The following MEIS1 variants were observed in gnomAD, a reference collection of about 807,000 sequenced individuals.
MEIS1 encodes Meis homeobox 1.
In MEIS1, 5 loss-of-function variants were observed where a neutral mutation model predicts 50.8. The ratio of observed to expected loss-of-function variants is 0.10; its 90% CI spans 0.05 to 0.21. MEIS1 has a LOEUF of 0.21. MEIS1 is among the 10% of genes least tolerant of loss of function. MEIS1 has a pLI of 1.00. For missense variants in MEIS1, 318 were observed against 517.3 expected, an observed-to-expected ratio of 0.61 and a Z score of 3.74; for synonymous variants, 176 against 179.3, an observed-to-expected ratio of 0.98 and a Z score of 0.15.
At chr2:66,538,336 A>G (rs1674568852) in intron 8 of MEIS1, among the ~76,000 whole-genome samples, 1 of 152,194 alleles carries the variant, frequency 6.6e-6, no homozygotes, top group South Asian at 2.1e-4. Context: ...TATCTTAGAG[A>G]CTTGTTTTAA....
At chr2:66,540,695 A>G (rs148632992) in intron 8 of MEIS1, among the ~76,000 whole-genome samples, 41 of 152,344 alleles carry the variant, frequency 2.7e-4, no homozygotes, top group African/African-American at 8.9e-4. Flanking sequence ...GCTGTTCAAC[A>G]TAATTTTAGC....
intron 7 of MEIS1, among the ~76,000 whole-genome samples, chr2:66,468,931 T>C (rs140006394): frequency 3.5e-4 from 53 of 152,314 alleles, no homozygotes; most frequent in African/African-American, 1.3e-3. Flanking sequence ...GCCTATATCA[T>C]TTCACTCATT....
At chr2:66,438,146 A>T (rs955679783) in intron 2 of MEIS1, among the ~76,000 whole-genome samples, 183 bp downstream of exon 2, 1 of 152,132 alleles carries the variant, frequency 6.6e-6, no homozygotes, top group South Asian at 2.1e-4. Flanking sequence ...ACATCCCCAT[A>T]CACACTCTGT....
At chr2:66,556,342 T>A (rs1675064040) in intron 9 of MEIS1, among the ~76,000 whole-genome samples, 1 of 152,198 alleles carries the variant, frequency 6.6e-6, no homozygotes, top group South Asian at 2.1e-4. Flanking sequence ...CAAGATTAGA[T>A]CCTATGGTTG....
chr2:66,446,343 T>G (rs1471484568), intron 6 of MEIS1, among the ~76,000 whole-genome samples: 1 of 152,114 alleles, frequency 6.6e-6, no homozygotes, highest in East Asian at 1.9e-4. Flanking sequence ...CCGCTTCTAT[T>G]GCGCGCCACT....
chr2:66,520,241 G>A (rs981491859), intron 8 of MEIS1, among the ~76,000 whole-genome samples: 3 of 151,918 alleles, frequency 2.0e-5, no homozygotes, highest in Admixed American at 6.6e-5. Flanking sequence ...TTGGGAGGCC[G>A]AGGTGGGCGG....
At chr2:66,496,876 C>T (rs535535711) in intron 7 of MEIS1, among the ~76,000 whole-genome samples, 2 of 152,272 alleles carry the variant, frequency 1.3e-5, no homozygotes, top group South Asian at 4.1e-4. Context: ...AACTGGCATC[C>T]TCCCATTCTT....
At chr2:66,553,074 A>G (rs116184357) in intron 9 of MEIS1, among the ~76,000 whole-genome samples, 112 of 152,378 alleles carry the variant, frequency 7.4e-4, no homozygotes, top group Admixed American at 1.4e-3. Context: ...CGATGCAAGA[A>G]GCTCTGGGTC....
At chr2:66,547,496 T>C (rs914774613) in intron 8 of MEIS1, among the ~76,000 whole-genome samples, 13 of 152,080 alleles carry the variant, frequency 8.5e-5, no homozygotes, top group Non-Finnish European at 5.9e-5. Context: ...CAATATGGTG[T>C]TTTAGAGGGA....
intron 6 of MEIS1, among the ~76,000 whole-genome samples, chr2:66,462,074 G>A (rs1672533107): frequency 6.6e-6 from 1 of 152,208 alleles, no homozygotes; most frequent in African/African-American, 2.4e-5. Flanking sequence ...AATCAGTGGA[G>A]CTCATTAAAA....
chr2:66,440,932 T>C, intron 4 of MEIS1: 1 of 412,158 alleles, frequency 2.4e-6, no homozygotes, highest in African/African-American at 2.0e-5. Context: ...CTTTGCGGAC[T>C]TCCTAGCCCT....
chr2:66,487,232 C>T (rs959327717), intron 7 of MEIS1, among the ~76,000 whole-genome samples: 4 of 152,160 alleles, frequency 2.6e-5, no homozygotes, highest in Non-Finnish European at 4.4e-5. Flanking sequence ...TTAGCATTTC[C>T]GCAATTTTTT....
At position 66,435,837 on chromosome 2, in the gene MEIS1, G is replaced by T. The variant is rs1200317928; in HGVS notation, c.-20G>T. On this transcript the variant is annotated 5_prime_UTR_variant, in exon 1 of 13. Transcript: ENST00000272369. ...GAGGATATATTAGAAGTTGAAGTAG[G>T]AAGGGAGCCAGAGAGGCCGATGGCG... 1 of 1,565,220 alleles carries T rather than the reference G, an allele frequency of 6.4e-7. No individual in the cohort carries two copies. The highest frequency in any genetic ancestry group is 8.6e-7 in the Non-Finnish European group (1 of 1,159,422).
chr2:66,529,693 T>G (rs1674343549), intron 8 of MEIS1, among the ~76,000 whole-genome samples: 1 of 152,222 alleles, frequency 6.6e-6, no homozygotes, highest in Admixed American at 6.5e-5. Flanking sequence ...AGGTAGATCC[T>G]TTTGCAATCA....
intron 5 of MEIS1, chr2:66,441,949 A>G: frequency 6.2e-6 from 1 of 161,554 alleles, no homozygotes; most frequent in Non-Finnish European, 1.3e-5. Context: ...AGCGGGAAGG[A>G]GTCTGGAGGA....
chr2:66,488,502 C>A (rs1035361628), intron 7 of MEIS1, among the ~76,000 whole-genome samples: 22 of 152,078 alleles, frequency 1.4e-4, no homozygotes, highest in African/African-American at 4.8e-4. Context: ...CACAGTGAAA[C>A]CCTGTCTCTA....
chr2:66,488,030 T>C (rs1238574659), intron 7 of MEIS1, among the ~76,000 whole-genome samples: 1 of 152,242 alleles, frequency 6.6e-6, no homozygotes, highest in African/African-American at 2.4e-5. Context: ...AAAGTGGTAT[T>C]ACAGATTTGA....
At chr2:66,498,095 G>T (rs1350852957) in intron 7 of MEIS1, among the ~76,000 whole-genome samples, 1 of 152,140 alleles carries the variant, frequency 6.6e-6, no homozygotes, top group Non-Finnish European at 1.5e-5. Flanking sequence ...GAATGGGATG[G>T]GGAGAGGTGA....
rs185937890 is a variant in MEIS1 at position 66,542,130 on chromosome 2, A to G, written c.889-5813A>G. On this transcript the variant is annotated intron_variant, in intron 8 of 12. Transcript: ENST00000272369. ...ACCATTATGTTAAACAAATATAAAT[A>G]TATTTGGTTAACAAGTTTCTGCTTA... Among the ~76,000 whole-genome samples the G allele has an allele frequency of 2.3e-3, 347 of 152,350 alleles. 5 individuals are homozygous for G. Among genetic ancestry groups the G allele is most frequent in the Non-Finnish European group, 6.2e-4 (42 of 68,040 alleles).
Sources: allele counts gnomAD v4.1 joint callset (sites outside exome capture counted in the v4.1 genomes callset), GRCh38; gene constraint gnomAD v4.1.1; transcripts MANE v1.5; gene names NCBI Gene and HGNC (gene_info 2026-07-23, HGNC 2026-07-21).